The following GPC5 variants were observed in gnomAD, a reference collection of about 807,000 sequenced individuals.
GPC5 encodes the protein glypican 5.
A neutral mutation model predicts 53.9 loss-of-function variants in GPC5; 47 were observed. The ratio of observed to expected loss-of-function variants is 0.87; its 90% CI spans 0.69 to 1.11. GPC5 has a LOEUF of 1.11. Ranked by LOEUF, GPC5 falls within the 50% of genes most tolerant of loss-of-function variation. The pLI, the probability that GPC5 is intolerant of heterozygous loss-of-function variation, is 0.00. For synonymous variants in GPC5, 286 were observed against 263.3 expected (o/e 1.09, Z -0.84); for missense variants, 748 against 713.1 (o/e 1.05, Z -0.56).
At chr13:91,681,576 T>C (rs2035509629) in intron 2 of GPC5, among the ~76,000 whole-genome samples, 1 of 152,244 alleles carries the variant, frequency 6.6e-6, no homozygotes, top group African/African-American at 2.4e-5. Context: ...AATAGTAGTT[T>C]ATTTTCTCCT....
chr13:91,717,701 T>C (rs972718728), intron 3 of GPC5, among the ~76,000 whole-genome samples: 2 of 151,956 alleles, frequency 1.3e-5, no homozygotes, highest in South Asian at 4.2e-4. Context: ...GGACTACAGA[T>C]GCCTGCCATC....
rs117229525 is a variant in GPC5, at chr13:92,573,734, G to A, written c.1562-292548G>A. Among the ~76,000 whole-genome samples the A allele has an allele frequency of 2.9e-4, 44 of 152,132 alleles. No individual in the cohort carries two copies. The East Asian group carries it at 4.5e-3, about 15-fold the overall frequency. On this transcript the variant is annotated intron_variant, in intron 7 of 7. Coordinates refer to ENST00000377067, the MANE Select transcript of GPC5 (RefSeq NM_004466.6). ...AGCTCCTACCATGTGGCTAAAATGC[G>A]TGCTCCCTTGGCAACCTTGCAATCC... is the stretch of plus-strand genomic sequence containing the variant.
chr13:91,409,957 T>G (rs1344352547), intron 1 of GPC5, among the ~76,000 whole-genome samples: 3 of 152,214 alleles, frequency 2.0e-5, no homozygotes, highest in African/African-American at 7.2e-5. Flanking sequence ...TGAGAACATG[T>G]GGTATTTGGT....
intron 7 of GPC5, among the ~76,000 whole-genome samples, chr13:92,356,354 C>T (rs912160432): frequency 3.3e-5 from 5 of 152,148 alleles, no homozygotes; most frequent in Non-Finnish European, 5.9e-5. Context: ...TTAGCTTTAA[C>T]TCAGAGTTAA....
intron 1 of GPC5, among the ~76,000 whole-genome samples, chr13:91,406,866 G>GTAT (rs770583436): frequency 2.6e-5 from 4 of 152,138 alleles, no homozygotes; most frequent in Non-Finnish European, 5.9e-5. Flanking sequence ...TTGTGGTCCT[G>GTAT]TATTTTCTTT....
intron 2 of GPC5, among the ~76,000 whole-genome samples, chr13:91,526,430 A>AGG: frequency 6.6e-6 from 1 of 152,330 alleles, no homozygotes; most frequent in African/African-American, 2.4e-5. Context: ...CAGAGAAGGA[A>AGG]GCACTTATTT....
At chr13:91,586,083 T>C (rs985230211) in intron 2 of GPC5, among the ~76,000 whole-genome samples, 3 of 147,770 alleles carry the variant, frequency 2.0e-5, no homozygotes, top group African/African-American at 7.4e-5. Flanking sequence ...TTATTCAAGA[T>C]AAACATTGTC....
At chr13:91,418,091 C>T (rs1294769487) in intron 1 of GPC5, among the ~76,000 whole-genome samples, 1 of 152,104 alleles carries the variant, frequency 6.6e-6, no homozygotes, top group Non-Finnish European at 1.5e-5. Flanking sequence ...AATGTGTCCA[C>T]ACTGTCTGTA....
At chr13:92,384,925 A>G (rs2043779772) in intron 7 of GPC5, among the ~76,000 whole-genome samples, 1 of 152,090 alleles carries the variant, frequency 6.6e-6, no homozygotes. Context: ...ACCACCTTTG[A>G]CTTTGAAAGC....
chr13:92,386,039 C>T (rs1022696647), intron 7 of GPC5, among the ~76,000 whole-genome samples: 1 of 151,684 alleles, frequency 6.6e-6, no homozygotes, highest in African/African-American at 2.4e-5. Flanking sequence ...TTGCCTACTT[C>T]ATCAAATTAA....
At chr13:92,859,843 T>C (rs1879121749) in intron 7 of GPC5, among the ~76,000 whole-genome samples, 1 of 152,136 alleles carries the variant, frequency 6.6e-6, no homozygotes, top group African/African-American at 2.4e-5. Flanking sequence ...TTTTGCTAAA[T>C]TCTTCAAAAA....
At chr13:92,121,869 C>T (rs568886001) in intron 6 of GPC5, among the ~76,000 whole-genome samples, 2 of 151,972 alleles carry the variant, frequency 1.3e-5, no homozygotes, top group South Asian at 2.1e-4. Context: ...GAGGAAAGTG[C>T]CAAATTTATT....
chr13:91,834,782 C>T (rs1594605791), intron 5 of GPC5, among the ~76,000 whole-genome samples: 1 of 152,060 alleles, frequency 6.6e-6, no homozygotes, highest in East Asian at 1.9e-4. Context: ...GGACCTAAAA[C>T]CATAAAAACC....
chr13:91,562,665 C>A (rs2031338374), intron 2 of GPC5, among the ~76,000 whole-genome samples: 1 of 149,124 alleles, frequency 6.7e-6, no homozygotes. Flanking sequence ...ATGGATCCAC[C>A]TGCTGTGGCC....
intron 7 of GPC5, among the ~76,000 whole-genome samples, chr13:92,821,775 T>C (rs1229051372): frequency 6.6e-6 from 1 of 152,180 alleles, no homozygotes; most frequent in African/African-American, 2.4e-5. Flanking sequence ...ACTTTTGTGC[T>C]CTTTTAGAAA....
intron 2 of GPC5, among the ~76,000 whole-genome samples, chr13:91,473,112 A>AG (rs1425050179): frequency 6.6e-6 from 1 of 152,132 alleles, no homozygotes; most frequent in Non-Finnish European, 1.5e-5. Context: ...CATGTGAAGG[A>AG]GGAACTGTTA....
chr13:91,494,327 C>CATTATT (rs765322041), intron 2 of GPC5, among the ~76,000 whole-genome samples: 1 of 98,072 alleles, frequency 1.0e-5, no homozygotes, highest in African/African-American at 5.7e-5. Context: ...TCTCTGGCTC[C>CATTATT]ATTATTATTA....
intron 1 of GPC5, among the ~76,000 whole-genome samples, chr13:91,422,965 T>G (rs1878749290): frequency 6.6e-6 from 1 of 152,128 alleles, no homozygotes; most frequent in Non-Finnish European, 1.5e-5. Flanking sequence ...TCAACATGAG[T>G]TTCAGAGGGG....
chr13:92,432,125 C>T (rs1877113703), intron 7 of GPC5, among the ~76,000 whole-genome samples: 1 of 152,080 alleles, frequency 6.6e-6, no homozygotes, highest in South Asian at 2.1e-4. Flanking sequence ...AGAAGAGAAA[C>T]CAGAGAGCTT....
Sources: gnomAD v4.1 joint callset for allele counts (sites outside exome capture counted in the v4.1 genomes callset) on GRCh38, gnomAD v4.1.1 for gene constraint, MANE v1.5 for transcripts, NCBI Gene and HGNC (gene_info 2026-07-23, HGNC 2026-07-21) for gene names.